PALM2AKAP2: variants seen among roughly 807,000 people sequenced by gnomAD.
PALM2AKAP2 encodes PALM2-AKAP2 fusion protein.
PALM2AKAP2 carries 37 observed loss-of-function variants against 71.5 expected under a neutral mutation model. The observed-to-expected ratio is 0.52, with a 90% CI of 0.40 to 0.68. PALM2AKAP2 has a LOEUF of 0.68. PALM2AKAP2 is among the 30% of genes least tolerant of loss of function. The pLI, the probability that PALM2AKAP2 is intolerant of heterozygous loss-of-function variation, is 0.00. For missense variants in PALM2AKAP2, 1,224 were observed against 1,191.8 expected (o/e 1.03, Z -0.40); for synonymous variants, 468 against 478.8 (o/e 0.98, Z 0.29).
intron 1 of PALM2AKAP2, among the ~76,000 whole-genome samples, chr9:110,074,615 A>G (rs1372817511): frequency 6.6e-6 from 1 of 152,134 alleles, no homozygotes; most frequent in Non-Finnish European, 1.5e-5. Context: ...CTGCAAAAAG[A>G]CTCCAATAGT....
At chr9:109,832,756 C>T (rs1015508861) in intron 1 of PALM2AKAP2, among the ~76,000 whole-genome samples, 1 of 152,188 alleles carries the variant, frequency 6.6e-6, no homozygotes, top group African/African-American at 2.4e-5. Context: ...AACCACTCCC[C>T]AGTCACAGAT....
chr9:110,133,139 C>CTTT (rs1835772026), intron 1 of PALM2AKAP2, among the ~76,000 whole-genome samples: 1 of 152,074 alleles, frequency 6.6e-6, no homozygotes, highest in Non-Finnish European at 1.5e-5. Flanking sequence ...TTTTTGAATC[C>CTTT]TAAAAAGAAA....
chr9:110,113,916 G>A (rs1245076218), intron 1 of PALM2AKAP2, among the ~76,000 whole-genome samples: 1 of 152,162 alleles, frequency 6.6e-6, no homozygotes, highest in East Asian at 1.9e-4. Flanking sequence ...TTAGCCTGTG[G>A]CCAGAGTAGA....
chr9:110,033,367 A>G (rs1216334043), intron 7 of PALM2AKAP2, among the ~76,000 whole-genome samples: 1 of 152,160 alleles, frequency 6.6e-6, no homozygotes, highest in Non-Finnish European at 1.5e-5. Context: ...CAATCCTATA[A>G]CAGTCATTGA....
intron 6 of PALM2AKAP2, among the ~76,000 whole-genome samples, chr9:109,950,352 G>C (rs1831608710): frequency 6.6e-6 from 1 of 152,002 alleles, no homozygotes; most frequent in African/African-American, 2.4e-5. Flanking sequence ...GGGCTACACT[G>C]TATTTTTAGA....
intron 2 of PALM2AKAP2, among the ~76,000 whole-genome samples, chr9:110,149,699 G>T (rs961648797): frequency 1.3e-5 from 2 of 152,242 alleles, no homozygotes; most frequent in Middle Eastern, 3.4e-3. Context: ...TGCCTGTAAT[G>T]CCAGCACTTT....
At chr9:109,642,881 G>T (rs1827091477) in intron 1 of PALM2AKAP2, among the ~76,000 whole-genome samples, 1 of 150,780 alleles carries the variant, frequency 6.6e-6, no homozygotes, top group Non-Finnish European at 1.5e-5. Context: ...GAAATACATG[G>T]TGTGGTGGTT....
At chr9:109,700,966 A>T (rs996393247) in intron 1 of PALM2AKAP2, among the ~76,000 whole-genome samples, 1 of 152,220 alleles carries the variant, frequency 6.6e-6, no homozygotes, top group African/African-American at 2.4e-5. Context: ...ATAACAAAGT[A>T]TGGGATATTG....
intron 1 of PALM2AKAP2, among the ~76,000 whole-genome samples, chr9:109,756,646 C>T (rs1413922658): frequency 2.0e-5 from 3 of 152,116 alleles, no homozygotes; most frequent in Non-Finnish European, 4.4e-5. Flanking sequence ...TATCTGAGTG[C>T]CAGTTGTGGG....
intron 1 of PALM2AKAP2, among the ~76,000 whole-genome samples, chr9:109,805,529 C>T (rs1052401988): frequency 2.6e-5 from 4 of 152,094 alleles, no homozygotes; most frequent in Non-Finnish European, 4.4e-5. Context: ...GCACTGGAAA[C>T]ACAAATGTAC....
rs562205813 is a variant in PALM2AKAP2, at chr9:110,002,572, T to C, written c.497-13382T>C. Among the ~76,000 whole-genome samples the C allele has an allele frequency of 9.2e-3, 1,398 of 152,256 alleles. 21 individuals carry two copies. Among genetic ancestry groups the C allele is most frequent in the African/African-American group, 0.033 (1,350 of 41,508 alleles). Reference sequence around the variant, plus strand: ...AAATGAGTTAGGGATGATTCCCTTTTTTTCTATTGATTGGAATAGTTTCAG... The same window carrying C: ...AAATGAGTTAGGGATGATTCCCTTTCTTTCTATTGATTGGAATAGTTTCAG... On this transcript the variant is annotated intron_variant, in intron 6 of 9. Transcript: ENST00000302798.
intron 2 of PALM2AKAP2, among the ~76,000 whole-genome samples, chr9:109,872,248 T>C (rs1009576289): frequency 1.3e-5 from 2 of 152,216 alleles, no homozygotes; most frequent in Admixed American, 6.5e-5. Context: ...TTTATTTTTA[T>C]TGTTTTTATA....
chr9:110,136,465 A>G lies in PALM2AKAP2; in HGVS notation c.495A>G (p.Thr165=), dbSNP rs1428223753. Residue 165 remains threonine (T), a synonymous_variant, in exon 2 of 4, where the codon ACA becomes ACG. Coordinates refer to ENST00000374525, the Ensembl canonical transcript of PALM2AKAP2. Reference sequence around the variant, plus strand: ...CTGTGGATGGAACGTACAATGGAACATCCTCCCCAGAGCCTGGTGCAGTGG... The same window carrying G: ...CTGTGGATGGAACGTACAATGGAACGTCCTCCCCAGAGCCTGGTGCAGTGG... 3.1e-6 allele frequency: 5 copies of G among 1,614,038 alleles called. No homozygotes were observed. The South Asian group carries it at 3.3e-5, about 11-fold the overall frequency.
intron 6 of PALM2AKAP2, among the ~76,000 whole-genome samples, chr9:109,972,561 G>A (rs1264491924): frequency 1.3e-5 from 2 of 152,164 alleles, no homozygotes; most frequent in East Asian, 1.9e-4. Flanking sequence ...GACCTTTAGC[G>A]TATTCTTCAT....
intron 2 of PALM2AKAP2, among the ~76,000 whole-genome samples, chr9:110,140,639 A>T (rs1274093887): frequency 6.6e-6 from 1 of 152,112 alleles, no homozygotes; most frequent in Non-Finnish European, 1.5e-5. Flanking sequence ...GACAAAAGAT[A>T]CTTAGTTTTT....
chr9:110,001,898 C>G (rs10980140), intron 6 of PALM2AKAP2, among the ~76,000 whole-genome samples: 32,581 of 152,068 alleles, frequency 0.21, 3,610 homozygotes, highest in Admixed American at 0.25. Flanking sequence ...TGCTTATCAG[C>G]TTAAGGAGAT....
chr9:110,012,770 A>T (rs1355276686), intron 6 of PALM2AKAP2, among the ~76,000 whole-genome samples: 1 of 152,220 alleles, frequency 6.6e-6, no homozygotes, highest in Non-Finnish European at 1.5e-5. Context: ...ATGGCCATAT[A>T]GCCTTTAATA....
chr9:109,943,583 C>T lies in PALM2AKAP2; in HGVS notation c.496+11555C>T. On this transcript the variant is annotated intron_variant, in intron 6 of 9. Coordinates refer to the PALM2AKAP2 transcript ENST00000302798. Reference sequence around the variant, plus strand: ...ATCTCTCTCATTTTTTTTCCTTTTCCTCACCTGAGAGACAACGTGCATGTG... The same window carrying T: ...ATCTCTCTCATTTTTTTTCCTTTTCTTCACCTGAGAGACAACGTGCATGTG... 3 of 1,046,652 alleles carry T rather than the reference C, an allele frequency of 2.9e-6. No individual in the cohort carries two copies. The South Asian group carries it at 4.8e-5, about 17-fold the overall frequency. The allele number at this position is 1,046,652 out of a possible 1,614,324, so 64.8% of individuals were successfully genotyped here.
intron 1 of PALM2AKAP2, among the ~76,000 whole-genome samples, chr9:110,116,324 A>C (rs73532157): frequency 0.017 from 2,621 of 152,246 alleles, 68 homozygotes; most frequent in African/African-American, 0.059. Flanking sequence ...AAAATACTAA[A>C]AGAAAAAATG....
Sources: gnomAD v4.1 joint callset for allele counts (sites outside exome capture counted in the v4.1 genomes callset) on GRCh38, gnomAD v4.1.1 for gene constraint, MANE v1.5 for transcripts, NCBI Gene and HGNC (gene_info 2026-07-23, HGNC 2026-07-21) for gene names.